The following SPMIP5 variants were observed in gnomAD, a reference collection of about 807,000 sequenced individuals.
SPMIP5 encodes the protein sperm microtubule inner protein 5, also known as sperm-associated microtubule inner protein 5.
At chr10:116,669,740 T>G in the SPMIP5 span, among the ~76,000 whole-genome samples, 1 of 152,004 alleles carries the variant, frequency 6.6e-6, no homozygotes, top group Non-Finnish European at 1.5e-5. Flanking sequence ...TGCGAACAGA[T>G]GACCTCTAAA....
At chr10:116,669,352 G>A in the SPMIP5 span, among the ~76,000 whole-genome samples, 1 of 152,148 alleles carries the variant, frequency 6.6e-6, no homozygotes, top group Non-Finnish European at 1.5e-5. Flanking sequence ...GCCGCGTCTA[G>A]GCCACTCTAA....
chr10:116,667,905 A>C, the SPMIP5 span, among the ~76,000 whole-genome samples: 4,437 of 152,326 alleles, frequency 0.029, 142 homozygotes, highest in East Asian at 0.11. Flanking sequence ...AGGACTTGAG[A>C]AAACCAACTT....
chr10:116,665,082 ACTGTGCCCCCTC>A, the SPMIP5 span: 4 of 1,444,668 alleles, frequency 2.8e-6, no homozygotes, highest in Non-Finnish European at 3.6e-6. Context: ...CCTAACCAGG[ACTGTGCCCCCTC>A]CCCTAGAAAT....
the SPMIP5 span, chr10:116,665,759 G>A: frequency 2.5e-6 from 4 of 1,614,184 alleles, no homozygotes; most frequent in Non-Finnish European, 8.5e-7. Context: ...TCTCCTGGAA[G>A]GTTTTCACAC....
the SPMIP5 span, among the ~76,000 whole-genome samples, chr10:116,667,725 C>T: frequency 6.6e-6 from 1 of 152,186 alleles, no homozygotes; most frequent in Non-Finnish European, 1.5e-5. Flanking sequence ...GGCAACCAAT[C>T]GTCCTGGTTT....
chr10:116,663,199 AAAG>A, the SPMIP5 span, among the ~76,000 whole-genome samples: 5 of 151,138 alleles, frequency 3.3e-5, no homozygotes, highest in East Asian at 1.9e-4. Context: ...AAAAAAAAAA[AAAG>A]AAGATGGCCG....
At chr10:116,663,383 G>A in the SPMIP5 span, among the ~76,000 whole-genome samples, 1 of 152,100 alleles carries the variant, frequency 6.6e-6, no homozygotes, top group African/African-American at 2.4e-5. Flanking sequence ...AGAACTGTGA[G>A]ACAATAAATT....
chr10:116,664,512 C>A, the SPMIP5 span: 1 of 841,888 alleles, frequency 1.2e-6, no homozygotes, highest in Non-Finnish European at 1.7e-6. Flanking sequence ...GGTTTTTACT[C>A]CCATCCCCTC....
At chr10:116,663,385 C>T in the SPMIP5 span, among the ~76,000 whole-genome samples, 20 of 152,176 alleles carry the variant, frequency 1.3e-4, no homozygotes, top group African/African-American at 4.6e-4. Context: ...AACTGTGAGA[C>T]AATAAATTTC....
chr10:116,668,933 G>GCGCGCACA, the SPMIP5 span, among the ~76,000 whole-genome samples: 42 of 135,282 alleles, frequency 3.1e-4, no homozygotes, highest in African/African-American at 1.2e-3. Context: ...GCACACACAT[G>GCGCGCACA]CACACACACA....
the SPMIP5 span, chr10:116,668,150 G>T: frequency 9.2e-7 from 1 of 1,081,784 alleles, no homozygotes; most frequent in Non-Finnish European, 1.4e-6. Context: ...AGAGCGCCTA[G>T]ACTGGTCCAG....
At chr10:116,669,872 G>A in the SPMIP5 span, 4 of 152,222 alleles carry the variant, frequency 2.6e-5, no homozygotes, top group African/African-American at 9.7e-5. Flanking sequence ...CTAGGAGTGG[G>A]TAGAAAGTAG....
chr10:116,668,404 C>T, the SPMIP5 span: 1 of 1,154,846 alleles, frequency 8.7e-7, no homozygotes, highest in East Asian at 2.7e-5. Context: ...TGTGCACAAG[C>T]TCTTGGGAGT....
At chr10:116,667,857 T>C in the SPMIP5 span, among the ~76,000 whole-genome samples, 2 of 152,192 alleles carry the variant, frequency 1.3e-5, no homozygotes, top group East Asian at 1.9e-4. Context: ...CTTTAGGGGA[T>C]GCAGGAAAGG....
At chr10:116,664,738 G>A in the SPMIP5 span, 5 of 1,610,808 alleles carry the variant, frequency 3.1e-6, no homozygotes, top group East Asian at 6.7e-5. Flanking sequence ...TGTGCCTGGG[G>A]TACGGACCCA....
At chr10:116,668,442 T>G in the SPMIP5 span, 1 of 845,370 alleles carries the variant, frequency 1.2e-6, no homozygotes. Context: ...GAGTTGGGGC[T>G]GAGAGGCAGC....
chr10:116,665,465 G>A, the SPMIP5 span: 3 of 589,194 alleles, frequency 5.1e-6, no homozygotes, highest in Non-Finnish European at 5.8e-6. Flanking sequence ...CTCATTTTAA[G>A]AAATGGAGCC....
At chr10:116,664,455 C>A in the SPMIP5 span, 1 of 764,034 alleles carries the variant, frequency 1.3e-6, no homozygotes, top group Non-Finnish European at 2.0e-6. Flanking sequence ...GCTGAGGCCA[C>A]TCAGCACCCT....
At chr10:116,665,551 A>C in the SPMIP5 span, 458 of 1,526,940 alleles carry the variant, frequency 3.0e-4, no homozygotes, top group Non-Finnish European at 4.0e-4. Flanking sequence ...CAGCTGGCCT[A>C]TGAGAATCTG....
Sources: gnomAD v4.1 joint callset for allele counts (sites outside exome capture counted in the v4.1 genomes callset) on GRCh38, gnomAD v4.1.1 for gene constraint, MANE v1.5 for transcripts, NCBI Gene and HGNC (gene_info 2026-07-23, HGNC 2026-07-21) for gene names.